DMXL2: variants seen among roughly 807,000 people sequenced by gnomAD.
The protein encoded by DMXL2 is dmX-like protein 2.
In DMXL2, 103 loss-of-function variants were observed where a neutral mutation model predicts 331.1. The ratio of observed to expected loss-of-function variants is 0.31; its 90% CI spans 0.27 to 0.37. The LOEUF is 0.37. Ranked by LOEUF, DMXL2 falls within the 10% of genes least tolerant of loss-of-function variation. The pLI is 1.00. For synonymous variants in DMXL2, 1,281 were observed against 1,252.1 expected, an observed-to-expected ratio of 1.02 and a Z score of -0.49; for missense variants, 3,171 against 3,642.9, an observed-to-expected ratio of 0.87 and a Z score of 3.33.
At chr15:51,562,977 G>A (rs1262160486) in intron 6 of DMXL2, among the ~76,000 whole-genome samples, 1 of 152,072 alleles carries the variant, frequency 6.6e-6, no homozygotes, top group Non-Finnish European at 1.5e-5. Flanking sequence ...GGACATGGAA[G>A]GAAATAGCAA....
intron 2 of DMXL2, among the ~76,000 whole-genome samples, chr15:51,570,810 G>A (rs1350764152): frequency 6.6e-6 from 1 of 152,030 alleles, no homozygotes; most frequent in Non-Finnish European, 1.5e-5. Flanking sequence ...AGGAACAACT[G>A]GTACCAGCCA....
chr15:51,576,437 C>T (rs756545966), intron 1 of DMXL2, among the ~76,000 whole-genome samples: 35 of 152,122 alleles, frequency 2.3e-4, no homozygotes, highest in Non-Finnish European at 4.1e-4. Flanking sequence ...GTTCTTAGAA[C>T]AGCCACTGTT....
intron 13 of DMXL2, among the ~76,000 whole-genome samples, chr15:51,521,428 A>AGTG (rs2047360899): frequency 6.8e-6 from 1 of 146,628 alleles, no homozygotes; most frequent in African/African-American, 2.5e-5. Flanking sequence ...TAGTAGTAGT[A>AGTG]GTAGTAGTAG....
intron 6 of DMXL2, among the ~76,000 whole-genome samples, chr15:51,560,481 A>T (rs2049883044): frequency 6.7e-6 from 1 of 148,600 alleles, no homozygotes; most frequent in South Asian, 2.1e-4. Flanking sequence ...AGCCTGGGCA[A>T]CATAATGAAA....
Position 51,536,871 on chromosome 15 carries a change from C to G in DMXL2, c.1618-9G>C. On this transcript the variant is annotated splice_polypyrimidine_tract_variant and intron_variant, in intron 11 of 43. Coordinates refer to ENST00000560891, the MANE Select transcript of DMXL2 (RefSeq NM_001378457.1). Reference sequence around the variant, plus strand: ...CGAGAAGAAAAAGAAACCTGAAAAACATAATTATATGATTCAGTGCAAATA... The same window carrying G: ...CGAGAAGAAAAAGAAACCTGAAAAAGATAATTATATGATTCAGTGCAAATA... 2.5e-6 allele frequency: 4 copies of G among 1,585,310 alleles called. No homozygotes were observed. Among genetic ancestry groups the G allele is most frequent in the Non-Finnish European group, 3.4e-6 (4 of 1,169,770 alleles).
chr15:51,510,214 A>G (rs1325831619), intron 15 of DMXL2, among the ~76,000 whole-genome samples: 1 of 152,232 alleles, frequency 6.6e-6, no homozygotes, highest in African/African-American at 2.4e-5. Flanking sequence ...CAGGGCAATC[A>G]GGCAAGAGAA....
chr15:51,544,961 A>T (rs1195368950), intron 8 of DMXL2, among the ~76,000 whole-genome samples: 1 of 152,068 alleles, frequency 6.6e-6, no homozygotes, highest in Non-Finnish European at 1.5e-5. Context: ...CATATATCTC[A>T]TTGTATTACC....
At chr15:51,619,795 T>C (rs535136047) in intron 1 of DMXL2, among the ~76,000 whole-genome samples, 1 of 152,168 alleles carries the variant, frequency 6.6e-6, no homozygotes, top group Non-Finnish European at 1.5e-5. Context: ...CTACACTATG[T>C]CTGGGAGGCC....
intron 13 of DMXL2, among the ~76,000 whole-genome samples, chr15:51,532,139 T>G (rs1027728566): frequency 2.0e-5 from 3 of 149,268 alleles, no homozygotes; most frequent in Admixed American, 1.3e-4. Context: ...CATCAACAGA[T>G]GAATGGATGA....
rs1171730389 is a variant in DMXL2 at position 51,458,642 on chromosome 15, C to T, written c.8077-15G>A. 6.2e-7 allele frequency: 1 copy of T among 1,613,934 alleles called. No homozygotes were observed. The highest frequency in any genetic ancestry group is 2.2e-5 in the East Asian group (1 of 44,850). On this transcript the variant is annotated splice_polypyrimidine_tract_variant and intron_variant, in intron 35 of 43. Transcript: ENST00000560891. ...TTACAATTTGCCTATAAAGCAAAGG[C>T]AGAATCGATGATTTAAGCAATTTCA... is the stretch of plus-strand genomic sequence containing the variant.
intron 16 of DMXL2, among the ~76,000 whole-genome samples, chr15:51,503,621 G>A (rs908888041): frequency 2.6e-5 from 4 of 151,968 alleles, no homozygotes; most frequent in Non-Finnish European, 5.9e-5. Flanking sequence ...CAAACATGAA[G>A]GTAGAAGAAA....
At chr15:51,547,154 TA>T in intron 7 of DMXL2, 75 bp downstream of exon 7, 1 of 1,345,988 alleles carries the variant, frequency 7.4e-7, no homozygotes, top group South Asian at 1.6e-5. Flanking sequence ...ACCATGTAAA[TA>T]AAAGGACTTT....
intron 41 of DMXL2, 37 bp from the exon 42 acceptor site, chr15:51,451,734 A>ATGAT: frequency 6.4e-7 from 1 of 1,554,430 alleles, no homozygotes; most frequent in Non-Finnish European, 8.8e-7. Flanking sequence ...TACATCATAA[A>ATGAT]TGATTGTTAT....
chr15:51,554,969 C>T lies in DMXL2; in HGVS notation c.568-7561G>A, dbSNP rs762353280. ...GGCCAGGAGTTCGAGACCAGCCTGGCCATCATGACGAAACTCCGTCTCTAC... is the reference window on the plus strand; with the variant it reads ...GGCCAGGAGTTCGAGACCAGCCTGGTCATCATGACGAAACTCCGTCTCTAC... On this transcript the variant is annotated intron_variant, in intron 6 of 43. Coordinates refer to ENST00000560891, the MANE Select transcript of DMXL2 (RefSeq NM_001378457.1). 6.4e-4 allele frequency among the ~76,000 whole-genome samples: 97 copies of T among 152,088 alleles called. 1 individual carries two copies. The highest frequency in any genetic ancestry group is 1.3e-4 in the Non-Finnish European group (9 of 68,008).
intron 13 of DMXL2, among the ~76,000 whole-genome samples, chr15:51,527,965 A>C (rs2047775794): frequency 6.6e-6 from 1 of 152,218 alleles, no homozygotes; most frequent in Admixed American, 6.5e-5. Context: ...AGCCTTTATT[A>C]GTTTTCTTTT....
At chr15:51,484,705 A>ATTC (rs1420666695) in intron 23 of DMXL2, among the ~76,000 whole-genome samples, 2 of 152,222 alleles carry the variant, frequency 1.3e-5, no homozygotes, top group Non-Finnish European at 2.9e-5. Flanking sequence ...GAAAATACTA[A>ATTC]TTCTCCAGTA....
chr15:51,564,218 G>C lies in DMXL2; in HGVS notation c.407C>G (p.Ala136Gly), dbSNP rs1485532765. 6.2e-7 allele frequency: 1 copy of C among 1,605,974 alleles called. No homozygotes were observed. Among genetic ancestry groups the C allele is most frequent in the African/African-American group, 1.3e-5 (1 of 74,538 alleles). ...TTCCAGAATATCATCTCCTGGAGGA[G>C]CCCACAACTGAATAGAATCAGTTGC... ...LTATDSIQLW[A>G]PPGDDILEEE... The change falls in exon 5 of 44, where the codon GCT (alanine) becomes GGT (glycine). Residue 136 changes from alanine to glycine, a missense_variant. Physicochemically the swap from Ala to Gly is moderately conservative, Grantham distance 60. Coordinates refer to ENST00000560891, the MANE Select transcript of DMXL2 (RefSeq NM_001378457.1).
In DMXL2 at chr15:51,590,000, ATTG is replaced by A. The variant is rs768060083; in HGVS notation, c.88-13822_88-13820del. Among the ~76,000 whole-genome samples the A allele has an allele frequency of 1.1e-4, 17 of 152,366 alleles. No homozygotes were observed. The East Asian group carries it at 3.1e-3, about 28-fold the overall frequency. On this transcript the variant is annotated intron_variant, in intron 1 of 43. Transcript: ENST00000560891. ...AATTATGCTTTATCATGTCAAATGT[ATTG>A]TTCATCTTATTCACAGGCCTTTCTA...
chr15:51,481,066 C>T lies in DMXL2; in HGVS notation c.6040G>A (p.Ala2014Thr). 1.2e-6 allele frequency: 2 copies of T among 1,613,932 alleles called. No individual in the cohort carries two copies. The highest frequency in any genetic ancestry group is 1.7e-6 in the Non-Finnish European group (2 of 1,179,894). Reference sequence around the variant, plus strand: ...GTTAATAACATGTTAGGGTCTGAGGCCTTCTGATCTGATTGTTTATCTTTT... The same window carrying T: ...GTTAATAACATGTTAGGGTCTGAGGTCTTCTGATCTGATTGTTTATCTTTT... ...REKDKQSDQK[A>T]SDPNMLLTPQ... The change falls in exon 24 of 44, where the codon GCC becomes ACC. Residue 2014 changes from alanine to threonine, a missense_variant. Physicochemically the swap from Ala to Thr is moderately conservative, Grantham distance 58 (BLOSUM62 0). Transcript: ENST00000560891.
Sources: gnomAD v4.1 joint callset for allele counts (sites outside exome capture counted in the v4.1 genomes callset) on GRCh38, gnomAD v4.1.1 for gene constraint, MANE v1.5 for transcripts, NCBI Gene and HGNC (gene_info 2026-07-23, HGNC 2026-07-21) for gene names.